Variants in FAAH2 observed in about 807,000 individuals in gnomAD.
The protein encoded by FAAH2 is fatty-acid amide hydrolase 2.
Under a neutral mutation model 36.9 loss-of-function variants are expected in FAAH2, and 60 were observed. The observed-to-expected ratio is 1.63, with a 90% CI of 1.32 to 2.02. The LOEUF (loss-of-function observed/expected upper bound fraction) is 2.02. FAAH2 is among the 30% of genes most tolerant of loss of function. FAAH2 has a pLI of 0.00. For synonymous variants in FAAH2, 214 were observed against 143.8 expected (o/e 1.49, Z -3.49); for missense variants, 689 against 397.5 (o/e 1.73, Z -6.23).
chrX:57,208,505 C>A, the FAAH2 span, among the ~76,000 whole-genome samples: 3 of 111,748 alleles, frequency 2.7e-5, no homozygotes, highest in African/African-American at 6.5e-5. Context: ...CTCTGGCAAC[C>A]CTTCAACCTG....
At chrX:57,322,058 ACGGAGTCTCGCTCAG>A (rs1448171306) in intron 3 of FAAH2, among the ~76,000 whole-genome samples, 6 of 107,086 alleles carry the variant, frequency 5.6e-5, no homozygotes, top group Non-Finnish European at 9.6e-5. Context: ...TTTTTTTGAG[ACGGAGTCTCGCTCAG>A]CTCACTGCAA....
chrX:57,137,164 C>T, the FAAH2 span: 5,172 of 759,581 alleles, frequency 6.8e-3, 18 homozygotes, highest in Middle Eastern at 0.02. Context: ...TGGATTCCTT[C>T]CCATCCCCCT....
the FAAH2 span, among the ~76,000 whole-genome samples, chrX:57,212,202 C>T: frequency 8.9e-6 from 1 of 111,787 alleles, no homozygotes; most frequent in African/African-American, 3.3e-5. Context: ...CCACTGCACC[C>T]CAGCCTAGGT....
the FAAH2 span, among the ~76,000 whole-genome samples, chrX:57,216,484 T>TTA: frequency 3.2e-5 from 2 of 61,782 alleles, no homozygotes; most frequent in African/African-American, 6.2e-5. Flanking sequence ...TAGTATTCTA[T>TTA]TATATATATA....
chrX:57,207,305 T>C, the FAAH2 span, among the ~76,000 whole-genome samples: 1 of 111,391 alleles, frequency 9.0e-6, no homozygotes, highest in Non-Finnish European at 1.9e-5. Context: ...CCCTTCACAA[T>C]GAAAAATATA....
At chrX:57,197,677 G>A in the FAAH2 span, among the ~76,000 whole-genome samples, 5 of 111,483 alleles carry the variant, frequency 4.5e-5, no homozygotes, top group Admixed American at 4.8e-4. Flanking sequence ...AGAGCTACCG[G>A]GTTCCAGGCT....
At chrX:57,310,299 T>A (rs886550805) in intron 2 of FAAH2, among the ~76,000 whole-genome samples, 2 of 111,865 alleles carry the variant, frequency 1.8e-5, no homozygotes, top group African/African-American at 6.5e-5. Flanking sequence ...CTTGTAGATA[T>A]CTATAATTAT....
chrX:57,412,313 G>A (rs1242303680), intron 7 of FAAH2, among the ~76,000 whole-genome samples: 2 of 111,263 alleles, frequency 1.8e-5, no homozygotes, highest in African/African-American at 6.5e-5. Flanking sequence ...ATGGTGGTTT[G>A]CTGCACCTAA....
intron 2 of FAAH2, among the ~76,000 whole-genome samples, chrX:57,307,017 A>ATATATATATATATATATATATATATT (rs1413358411): frequency 5.4e-5 from 4 of 74,113 alleles, no homozygotes; most frequent in Non-Finnish European, 1.1e-4. Context: ...ATATATATAT[A>ATATATATATATATATATATATATATT]GCCTTTGTCC....
At chrX:57,364,353 T>A (rs781191506) in intron 5 of FAAH2, among the ~76,000 whole-genome samples, 20 of 108,820 alleles carry the variant, frequency 1.8e-4, no homozygotes, top group South Asian at 8.0e-4. Context: ...GAGGTGTTTG[T>A]AATAGTCTCT....
chrX:57,167,879 C>T, the FAAH2 span, among the ~76,000 whole-genome samples: 1 of 111,526 alleles, frequency 9.0e-6, no homozygotes, highest in Non-Finnish European at 1.9e-5. Flanking sequence ...TTGCAGCAGA[C>T]CAGAGTGGGC....
chrX:57,480,328 A>C (rs893600194), intron 10 of FAAH2, among the ~76,000 whole-genome samples: 1 of 111,976 alleles, frequency 8.9e-6, no homozygotes, highest in African/African-American at 3.2e-5. Flanking sequence ...ATTTTAGACC[A>C]ATATCCTCGA....
intron 8 of FAAH2, among the ~76,000 whole-genome samples, chrX:57,436,340 G>A (rs1308085341): frequency 9.2e-6 from 1 of 109,122 alleles, no homozygotes; most frequent in Non-Finnish European, 1.9e-5. Context: ...ACCGAAAAGT[G>A]GCAGAAGAAA....
At chrX:57,178,472 G>A in the FAAH2 span, among the ~76,000 whole-genome samples, 1 of 111,199 alleles carries the variant, frequency 9.0e-6, no homozygotes, top group Admixed American at 9.6e-5. Context: ...CCCAGAAGAG[G>A]TACTCTGGTG....
intron 3 of FAAH2, among the ~76,000 whole-genome samples, chrX:57,324,427 G>A (rs1256550716): frequency 9.0e-6 from 1 of 111,521 alleles, no homozygotes; most frequent in Non-Finnish European, 1.9e-5. Flanking sequence ...AAATTACCTT[G>A]GGCAGTATGG....
At chrX:57,412,295 C>A (rs1337643544) in intron 7 of FAAH2, among the ~76,000 whole-genome samples, 1 of 111,349 alleles carries the variant, frequency 9.0e-6, no homozygotes, top group African/African-American at 3.3e-5. Context: ...CATAGGTATA[C>A]ACATGCCATG....
At chrX:57,169,505 TA>T in the FAAH2 span, among the ~76,000 whole-genome samples, 103 of 355 alleles carry the variant, frequency 0.29, 10 homozygotes, top group African/African-American at 0.4. Context: ...AGTATATATA[TA>T]TATATATATA....
the FAAH2 span, among the ~76,000 whole-genome samples, chrX:57,281,067 G>A: frequency 9.0e-6 from 1 of 111,580 alleles, no homozygotes; most frequent in South Asian, 3.8e-4. Context: ...GAATAATGAG[G>A]GGATTGGGCA....
At chrX:57,375,251 A>T (rs1268430770) in intron 5 of FAAH2, among the ~76,000 whole-genome samples, 3 of 108,903 alleles carry the variant, frequency 2.8e-5, no homozygotes, top group Non-Finnish European at 3.8e-5. Context: ...TGATTTAGAG[A>T]GGATTCCTTC....
Sources: allele counts gnomAD v4.1 joint callset (sites outside exome capture counted in the v4.1 genomes callset), GRCh38; gene constraint gnomAD v4.1.1; transcripts MANE v1.5; gene names NCBI Gene and HGNC (gene_info 2026-07-23, HGNC 2026-07-21).